ZFHX3: variants seen among roughly 807,000 people sequenced by gnomAD.
ZFHX3 encodes the protein zinc finger homeobox protein 3.
A neutral mutation model predicts 279.1 loss-of-function variants in ZFHX3; 42 were observed. The observed-to-expected ratio is 0.15, with a 90% CI of 0.12 to 0.19. The LOEUF (loss-of-function observed/expected upper bound fraction) is 0.19, where lower values mean the gene tolerates loss of function less well. ZFHX3 is among the 10% of genes least tolerant of loss of function. The pLI, the probability that ZFHX3 is intolerant of heterozygous loss-of-function variation, is 1.00. For missense variants in ZFHX3, 4,981 were observed against 4,754.0 expected (o/e 1.05, Z -1.40); for synonymous variants, 2,293 against 1,957.8 (o/e 1.17, Z -4.52).
At chr16:73,516,394 T>G (rs887900877) in intron 2 of ZFHX3, among the ~76,000 whole-genome samples, 7 of 152,172 alleles carry the variant, frequency 4.6e-5, no homozygotes, top group Non-Finnish European at 8.8e-5. Flanking sequence ...CAAACTCACA[T>G]ATACACAAAA....
intron 1 of ZFHX3, among the ~76,000 whole-genome samples, chr16:73,806,649 A>T (rs547203719): frequency 6.6e-6 from 1 of 152,318 alleles, no homozygotes; most frequent in East Asian, 1.9e-4. Context: ...TCCCATGCTA[A>T]GGTCTCAAGG....
At chr16:73,523,627 T>C (rs548118200) in intron 2 of ZFHX3, among the ~76,000 whole-genome samples, 39 of 151,726 alleles carry the variant, frequency 2.6e-4, no homozygotes, top group African/African-American at 8.5e-4. Context: ...CTGGGTTTTT[T>C]TTTTTTTTTT....
intron 2 of ZFHX3, among the ~76,000 whole-genome samples, chr16:73,641,661 T>G (rs907230396): frequency 2.0e-5 from 3 of 152,074 alleles, no homozygotes; most frequent in Non-Finnish European, 4.4e-5. Flanking sequence ...CTTAGATGTA[T>G]AAAATGGACA....
intron 1 of ZFHX3, among the ~76,000 whole-genome samples, chr16:72,967,197 T>C (rs969589461): frequency 6.6e-6 from 1 of 152,198 alleles, no homozygotes; most frequent in Non-Finnish European, 1.5e-5. Context: ...ACGTGTCTGG[T>C]GTAACCATTC....
chr16:73,507,746 C>T (rs994171389), intron 2 of ZFHX3, among the ~76,000 whole-genome samples: 6 of 151,592 alleles, frequency 4.0e-5, no homozygotes, highest in Non-Finnish European at 7.4e-5. Flanking sequence ...AGCAATCCTC[C>T]CACCTTGGCC....
intron 1 of ZFHX3, among the ~76,000 whole-genome samples, chr16:72,979,261 A>G (rs1343757304): frequency 6.6e-6 from 1 of 152,234 alleles, no homozygotes; most frequent in Non-Finnish European, 1.5e-5. Context: ...TCTTCGGAAT[A>G]CGCAGAATGG....
At chr16:73,656,461 G>A (rs2052721900) in intron 2 of ZFHX3, among the ~76,000 whole-genome samples, 1 of 152,170 alleles carries the variant, frequency 6.6e-6, no homozygotes, top group Admixed American at 6.5e-5. Context: ...CATCTCAAAA[G>A]GATTGAACTG....
intron 3 of ZFHX3, among the ~76,000 whole-genome samples, chr16:72,891,413 C>T (rs72795115): frequency 3.3e-5 from 5 of 152,276 alleles, no homozygotes; most frequent in Non-Finnish European, 7.4e-5. Context: ...TTAAAGACGA[C>T]CCAACAACAA....
At chr16:73,333,869 GCAGGTTAAGGACCA>G (rs2015855401) in intron 3 of ZFHX3, among the ~76,000 whole-genome samples, 1 of 149,112 alleles carries the variant, frequency 6.7e-6, no homozygotes, top group Non-Finnish European at 1.5e-5. Context: ...CACAAGAGGA[GCAGGTTAAGGACCA>G]CAGCTGACTT....
chr16:72,882,977 G>GGT (rs56328056), intron 4 of ZFHX3, among the ~76,000 whole-genome samples: 1,445 of 65,326 alleles, frequency 0.022, 67 homozygotes, highest in East Asian at 0.04. Context: ...ACCACTCTGG[G>GGT]GTGTGTGTGT....
intron 1 of ZFHX3, among the ~76,000 whole-genome samples, chr16:72,964,707 A>T (rs1961749272): frequency 6.6e-6 from 1 of 151,602 alleles, no homozygotes; most frequent in African/African-American, 2.4e-5. Context: ...AAACCATCAT[A>T]CTGGAAGTCA....
Position 73,801,618 on chromosome 16 carries a change from A to G in ZFHX3, c.-1608+90033T>C, listed in dbSNP as rs1007755096. 3.9e-5 allele frequency among the ~76,000 whole-genome samples: 6 copies of G among 152,218 alleles called. No individual in the cohort carries two copies. The East Asian group carries it at 1.2e-3, about 29-fold the overall frequency. On this transcript the variant is annotated intron_variant, in intron 1 of 17. Coordinates refer to the ZFHX3 transcript ENST00000641206. ...ATTTCCCTGTGTTTCCATTTCTGCA[A>G]CCACTACAAAACAAGTGCAGAAGTC...
intron 4 of ZFHX3, among the ~76,000 whole-genome samples, chr16:73,263,866 T>C (rs1385924475): frequency 1.3e-5 from 2 of 152,112 alleles, no homozygotes; most frequent in African/African-American, 4.8e-5. Flanking sequence ...GAACATCCTA[T>C]AAAAATGAGA....
intron 8 of ZFHX3, among the ~76,000 whole-genome samples, chr16:73,080,449 A>G (rs1965930319): frequency 6.6e-6 from 1 of 152,250 alleles, no homozygotes; most frequent in Non-Finnish European, 1.5e-5. Flanking sequence ...ATTTTGTGAT[A>G]GCAGTCTGAG....
chr16:73,620,270 T>C (rs1429143625), intron 2 of ZFHX3, among the ~76,000 whole-genome samples: 1 of 152,234 alleles, frequency 6.6e-6, no homozygotes, highest in Admixed American at 6.5e-5. Context: ...ACCAGTGTAA[T>C]AGTACACATG....
intron 2 of ZFHX3, among the ~76,000 whole-genome samples, chr16:73,532,151 T>C (rs1408510777): frequency 1.3e-5 from 2 of 152,044 alleles, no homozygotes; most frequent in Non-Finnish European, 2.9e-5. Flanking sequence ...ATACGGTTTG[T>C]CTGCGTCCCC....
intron 2 of ZFHX3, among the ~76,000 whole-genome samples, chr16:73,457,776 A>AAAAATAAAAT (rs576060574): frequency 1.3e-5 from 2 of 152,068 alleles, no homozygotes; most frequent in Non-Finnish European, 2.9e-5. Context: ...CTCCGTCTCA[A>AAAAATAAAAT]AAAATAAAAT....
intron 2 of ZFHX3, among the ~76,000 whole-genome samples, chr16:73,460,687 T>A (rs1268718839): frequency 3.3e-5 from 5 of 152,254 alleles, no homozygotes; most frequent in African/African-American, 1.2e-4. Flanking sequence ...ATTCCCAATG[T>A]TGGAGGTGGG....
chr16:73,584,429 C>T (rs2051896877), intron 2 of ZFHX3, among the ~76,000 whole-genome samples: 2 of 152,114 alleles, frequency 1.3e-5, no homozygotes, highest in Admixed American at 1.3e-4. Context: ...CAGCTGACTG[C>T]TGATCATCAA....
Sources: gnomAD v4.1 joint callset for allele counts (sites outside exome capture counted in the v4.1 genomes callset) on GRCh38, gnomAD v4.1.1 for gene constraint, MANE v1.5 for transcripts, NCBI Gene and HGNC (gene_info 2026-07-23, HGNC 2026-07-21) for gene names.